Variants in GALT observed in about 807,000 individuals in gnomAD.
GALT encodes galactose-1-phosphate uridylyltransferase.
In GALT, 42 loss-of-function variants were observed where a neutral mutation model predicts 55.4. The observed-to-expected ratio is 0.76, with a 90% confidence interval of 0.59 to 0.98. The LOEUF is 0.98. GALT is among the 50% of genes least tolerant of loss of function. The probability of loss-of-function intolerance (pLI) is 0.00; values close to 1 mark genes in which losing one functional copy is unlikely to be tolerated. For synonymous variants in GALT, 154 were observed against 181.5 expected, an observed-to-expected ratio of 0.85 and a Z score of 1.22; for missense variants, 407 against 495.7, an observed-to-expected ratio of 0.82 and a Z score of 1.70.
chr9:34,649,115 A>T, intron 9 of GALT, 34 bp downstream of exon 9: 1 of 1,592,884 alleles, frequency 6.3e-7, no homozygotes, highest in Non-Finnish European at 8.6e-7. Context: ...TTTAGCCCCA[A>T]CACCATTTCT....
chr9:34,649,332 T>G, intron 9 of GALT, 78 bp from the exon 10 acceptor site: 1 of 1,576,032 alleles, frequency 6.3e-7, no homozygotes, highest in Non-Finnish European at 8.7e-7. Flanking sequence ...AGATACCTGG[T>G]TGGGTTTGGG....
chr9:34,646,828 A>G (rs1821114556), intron 1 of GALT, 42 bp downstream of exon 1: 1 of 1,612,592 alleles, frequency 6.2e-7, no homozygotes, highest in African/African-American at 1.3e-5. Flanking sequence ...CGCGGAGCCG[A>G]GCCCTCCCCT....
Position 34,647,074 on chromosome 9 carries a change from A to AC in GALT, c.83-14dup. 1 of 1,614,102 alleles carries AC rather than the reference A, an allele frequency of 6.2e-7. No individual in the cohort carries two copies. Among genetic ancestry groups the AC allele is most frequent in the South Asian group, 1.1e-5 (1 of 91,078 alleles). ...TAGAGAGCTCTGAGGACTGATCTTG[A>AC]CTGTCTGCCCCCAGACCATCAGCAT... On this transcript the variant is annotated splice_polypyrimidine_tract_variant and intron_variant, in intron 1 of 10. Coordinates refer to ENST00000378842, the MANE Select transcript of GALT (RefSeq NM_000155.4). The surrounding 1 kb of genome is among the most constrained non-coding windows in gnomAD (Gnocchi z 5.6).
At position 34,649,555 on chromosome 9, in the gene GALT, C is replaced by A; in HGVS notation, c.1050C>A (p.Thr350=). The A allele has an allele frequency of 6.2e-7, 1 of 1,614,180 alleles. No homozygotes were observed. Among genetic ancestry groups the A allele is most frequent in the Non-Finnish European group, 8.5e-7 (1 of 1,180,014 alleles). The stretch of plus-strand genomic sequence containing the variant: ...TTGCTCAGGCTCAGAGGGACCTCAC[C>A]CCTGAGCAGGTCAGGACTCAGAACA... ...EMLAQAQRDL[T]PEQAAERLRA... The change falls in exon 10 of 11, where the codon ACC becomes ACA. Residue 350 remains threonine (T), a synonymous_variant. Coordinates refer to ENST00000378842, the MANE Select transcript of GALT (RefSeq NM_000155.4).
At position 34,650,520 on chromosome 9, in the gene GALT, T is replaced by C. The variant is rs1821232039; in HGVS notation, c.*71T>C. The C allele has an allele frequency of 2.8e-6, 4 of 1,412,900 alleles. No individual in the cohort carries two copies. Among genetic ancestry groups the C allele is most frequent in the Non-Finnish European group, 4.0e-6 (4 of 1,000,152 alleles). 87.5% of individuals were successfully genotyped at this position (1,412,900 alleles called of 1,614,324 possible). On this transcript the variant is annotated 3_prime_UTR_variant, in exon 11 of 11. Coordinates refer to ENST00000378842, the MANE Select transcript of GALT (RefSeq NM_000155.4). ...CTTGCTGAATTAAGCAGAAAGGGCC[T>C]TGAATCCTGGCCTGGAATTTGGGCA... is the stretch of plus-strand genomic sequence containing the variant.
chr9:34,647,464 A>C lies in GALT; in HGVS notation c.253-28A>C, dbSNP rs775583231. On this transcript the variant is annotated intron_variant, in intron 2 of 10. Transcript: ENST00000378842. This position sits in a 1 kb window ranked among gnomAD's most constrained non-coding sequence, Gnocchi z 5.6. ...AGGTAACTGGTGGTATGGGGCAGTGAGTGCTTCTAGCCTATCCTTGTCGGT... is the reference window on the plus strand; with the variant it reads ...AGGTAACTGGTGGTATGGGGCAGTGCGTGCTTCTAGCCTATCCTTGTCGGT... 6.2e-7 allele frequency: 1 copy of C among 1,612,196 alleles called. No individual in the cohort carries two copies. The highest frequency in any genetic ancestry group is 1.7e-5 in the Admixed American group (1 of 60,010).
rs367543266 is a variant in GALT, at chr9:34,649,466, C to T, written c.961C>T (p.His321Tyr). Residue 321 changes from histidine to tyrosine, a missense_variant, in exon 10 of 11, where the codon CAT (histidine) becomes TAT (tyrosine). Physicochemically the swap from His to Tyr is moderately conservative, Grantham distance 83. Coordinates refer to ENST00000378842, the MANE Select transcript of GALT (RefSeq NM_000155.4). Reference protein sequence around the residue: ...ANWNHWQLHAHYYPPLLRSAT... With the variant: ...ANWNHWQLHAYYYPPLLRSAT... ...CTGGAACCATTGGCAGCTGCACGCT[C>T]ATTACTACCCTCCGCTCCTGCGCTC... 3.1e-6 allele frequency: 5 copies of T among 1,614,056 alleles called. No homozygotes were observed. Among genetic ancestry groups the T allele is most frequent in the African/African-American group, 2.7e-5 (2 of 74,922 alleles).
chr9:34,648,737 C>G lies in GALT; in HGVS notation c.688-25C>G. The G allele has an allele frequency of 6.2e-7, 1 of 1,612,234 alleles. No homozygotes were observed. The highest frequency in any genetic ancestry group is 8.5e-7 in the Non-Finnish European group (1 of 1,179,928). On this transcript the variant is annotated intron_variant, in intron 7 of 10. Transcript: ENST00000378842. This position sits in a 1 kb window ranked among gnomAD's most constrained non-coding sequence, Gnocchi z 4.9. ...TCCGGCTCCTATGTCACCTTGATGA[C>G]TTCCTATCCATTCTGTCTTCCTAGG...
In GALT at chr9:34,647,401, CT is replaced by C. The variant is rs1564100857; in HGVS notation, c.253-90del. The C allele has an allele frequency of 6.4e-7, 1 of 1,573,318 alleles. No individual in the cohort carries two copies. Among genetic ancestry groups the C allele is most frequent in the African/African-American group, 1.3e-5 (1 of 74,190 alleles). On this transcript the variant is annotated intron_variant, in intron 2 of 10. Transcript: ENST00000378842. The surrounding 1 kb of genome is among the most constrained non-coding windows in gnomAD (Gnocchi z 5.6). ...TTTGGTCCCCTAGGGTGGGCCTTCC[CT>C]ACTCCCTTGTAGCCTGTCCAGTCTT... is the stretch of plus-strand genomic sequence containing the variant.
Position 34,647,994 on chromosome 9 carries a change from A to G in GALT, c.507+33A>G. The G allele has an allele frequency of 6.2e-7, 1 of 1,614,194 alleles. No individual in the cohort carries two copies. Among genetic ancestry groups the G allele is most frequent in the East Asian group, 2.2e-5 (1 of 44,878 alleles). ...AGGTCGCCCCTTCCCCTGGATGGGCAGGGAGGGGGTGATGAAGCTTTGGTT... is the reference window on the plus strand; with the variant it reads ...AGGTCGCCCCTTCCCCTGGATGGGCGGGGAGGGGGTGATGAAGCTTTGGTT... On this transcript the variant is annotated intron_variant, in intron 5 of 10. Coordinates refer to ENST00000378842, the MANE Select transcript of GALT (RefSeq NM_000155.4). This position sits in a 1 kb window ranked among gnomAD's most constrained non-coding sequence, Gnocchi z 5.6.
In GALT at chr9:34,647,297, G is replaced by T; in HGVS notation, c.252+39G>T. The T allele has an allele frequency of 6.2e-7, 1 of 1,613,138 alleles. No individual in the cohort carries two copies. The highest frequency in any genetic ancestry group is 8.5e-7 in the Non-Finnish European group (1 of 1,179,350). ...GCCCTGCATCTGCAGGCTGGGCCACGGGGAGTAGTTCCCTCTTAGAACTGT... is the reference window on the plus strand; with the variant it reads ...GCCCTGCATCTGCAGGCTGGGCCACTGGGAGTAGTTCCCTCTTAGAACTGT... On this transcript the variant is annotated intron_variant, in intron 2 of 10. Coordinates refer to ENST00000378842, the MANE Select transcript of GALT (RefSeq NM_000155.4). The surrounding 1 kb of genome is among the most constrained non-coding windows in gnomAD (Gnocchi z 5.6).
Position 34,646,772 on chromosome 9 carries a change from C to T in GALT, c.68C>T (p.Thr23Ile). Residue 23 changes from threonine (T) to isoleucine (I), a missense_variant, in exon 1 of 11, where the codon ACC becomes ATC. Thr to Ile is a moderately conservative substitution (Grantham distance 89, BLOSUM62 -1). Coordinates refer to ENST00000378842, the MANE Select transcript of GALT (RefSeq NM_000155.4). ...TCAGAGGCGGACGCCGCAGCAGCAA[C>T]CTTCCGGGCAAACGGTAACTGCACC... is the stretch of plus-strand genomic sequence containing the variant. ...QASEADAAAA[T>I]FRANDHQHIR... is the part of the protein sequence containing the mutation. 1 of 1,613,550 alleles carries T rather than the reference C, an allele frequency of 6.2e-7. No homozygotes were observed. Among genetic ancestry groups the T allele is most frequent in the South Asian group, 1.1e-5 (1 of 91,082 alleles).
intron 10 of GALT, 168 bp downstream of exon 10, chr9:34,649,732 G>C: frequency 1.4e-6 from 1 of 700,560 alleles, no homozygotes; most frequent in Admixed American, 2.5e-5. Flanking sequence ...GGAGAGTATG[G>C]TCCTCAGATC....
rs920527732 is a variant in GALT at position 34,650,779 on chromosome 9, G to T, written c.*330G>T. On this transcript the variant is annotated 3_prime_UTR_variant, in exon 11 of 11. Coordinates refer to ENST00000378842, the MANE Select transcript of GALT (RefSeq NM_000155.4). ...TAGATTCTCTTACTCTTGGTGTAATGACAGCATTCCCAGTTTAGGAAACTG... is the reference window on the plus strand; with the variant it reads ...TAGATTCTCTTACTCTTGGTGTAATTACAGCATTCCCAGTTTAGGAAACTG... The T allele has an allele frequency of 3.7e-6, 1 of 271,302 alleles. No homozygotes were observed. The highest frequency in any genetic ancestry group is 7.1e-6 in the Non-Finnish European group (1 of 140,834). The allele number at this position is 271,302 out of a possible 1,614,324, so 16.8% of individuals were successfully genotyped here.
rs767859611 is a variant in GALT, at chr9:34,648,408, T to G, written c.639T>G (p.His213Gln). 6.2e-7 allele frequency: 1 copy of G among 1,614,044 alleles called. No individual in the cohort carries two copies. The highest frequency in any genetic ancestry group is 8.5e-7 in the Non-Finnish European group (1 of 1,180,040). ...ERSQQAYKSQ[H>Q]GEPLLMEYSR... The stretch of plus-strand genomic sequence containing the variant: ...CTCAGCAGGCCTATAAGAGTCAGCA[T>G]GGAGAGCCCCTGCTAATGGAGTACA... Residue 213 changes from histidine to glutamine, a missense_variant, in exon 7 of 11, where the codon CAT becomes CAG. By Grantham distance (24) the His-to-Gln change is conservative (BLOSUM62 0). Transcript: ENST00000378842. This position sits in a 1 kb window ranked among gnomAD's most constrained non-coding sequence, Gnocchi z 4.9.
chr9:34,648,087 A>C lies in GALT; in HGVS notation c.508-28A>C. ...GGAGTTGACTTGGTGTCTTTTGGCT[A>C]ACAGAGCTCCGTATCCCTATCTGAT... On this transcript the variant is annotated intron_variant, in intron 5 of 10. Coordinates refer to ENST00000378842, the MANE Select transcript of GALT (RefSeq NM_000155.4). This position sits in a 1 kb window ranked among gnomAD's most constrained non-coding sequence, Gnocchi z 4.9. The C allele has an allele frequency of 6.2e-7, 1 of 1,614,158 alleles. No homozygotes were observed. The highest frequency in any genetic ancestry group is 8.5e-7 in the Non-Finnish European group (1 of 1,180,020).
rs1587238767 is a variant in GALT at position 34,648,025 on chromosome 9, G to A, written c.507+64G>A. The A allele has an allele frequency of 1.2e-6, 2 of 1,614,200 alleles. No homozygotes were observed. Among genetic ancestry groups the A allele is most frequent in the Non-Finnish European group, 1.7e-6 (2 of 1,180,036 alleles). The stretch of plus-strand genomic sequence containing the variant: ...GGGGTGATGAAGCTTTGGTTCTGGG[G>A]AGTAACATTTCTGTTTCCACAGGGT... On this transcript the variant is annotated intron_variant, in intron 5 of 10. Coordinates refer to ENST00000378842, the MANE Select transcript of GALT (RefSeq NM_000155.4). The surrounding 1 kb of genome is among the most constrained non-coding windows in gnomAD (Gnocchi z 4.9).
At chr9:34,650,282 C>CAAGAAAAAAA in intron 10 of GALT, 87 bp from the exon 11 acceptor site, 1 of 574,086 alleles carries the variant, frequency 1.7e-6, no homozygotes, top group East Asian at 3.3e-5. Flanking sequence ...GACCTCGTCT[C>CAAGAAAAAAA]AAAAAAAAAA....
At position 34,648,690 on chromosome 9, in the gene GALT, C is replaced by A. The variant is rs1821172779; in HGVS notation, c.688-72C>A. The A allele has an allele frequency of 1.4e-5, 22 of 1,592,542 alleles. No individual in the cohort carries two copies. The highest frequency in any genetic ancestry group is 1.9e-5 in the Non-Finnish European group (22 of 1,165,982). ...GGGCACATTCTTTTCTTCTGCTTCC[C>A]TTGCCTATTTGCTGACCACACTCCG... is the stretch of plus-strand genomic sequence containing the variant. On this transcript the variant is annotated intron_variant, in intron 7 of 10. Transcript: ENST00000378842. This position sits in a 1 kb window ranked among gnomAD's most constrained non-coding sequence, Gnocchi z 4.9.
Sources: gnomAD v4.1 joint callset for allele counts on GRCh38, gnomAD v4.1.1 for gene constraint, Gnocchi (gnomAD v3.1) non-coding constraint, MANE v1.5 for transcripts, NCBI Gene and HGNC (gene_info 2026-07-23, HGNC 2026-07-21) for gene names.